Variants in ZNF816 observed in about 807,000 individuals in gnomAD.
The protein encoded by ZNF816 is zinc finger protein 816.
ZNF816 carries 11 observed loss-of-function variants against 8.3 expected under a neutral mutation model. The ratio of observed to expected loss-of-function variants is 1.32; its 90% CI spans 0.83 to 2.19. The LOEUF (loss-of-function observed/expected upper bound fraction) is 2.19, where lower values mean the gene tolerates loss of function less well. ZNF816 is among the 30% of genes most tolerant of loss of function. The pLI is 0.00. For synonymous variants in ZNF816, 255 were observed against 254.5 expected, an observed-to-expected ratio of 1.00 and a Z score of -0.02; for missense variants, 710 against 779.3, an observed-to-expected ratio of 0.91 and a Z score of 1.06.
rs762422662 is a variant in ZNF816 at position 52,960,722 on chromosome 19, C to G, written c.-16+2005G>C. Among the ~76,000 whole-genome samples the G allele has an allele frequency of 2.6e-5, 4 of 152,248 alleles. No homozygotes were observed. The South Asian group carries it at 8.3e-4, about 32-fold the overall frequency. ...CCTGTGTGCCCCCACTGGAAAGTAC[C>G]CCAGACCGTCATCCTGACCACTCCC... On this transcript the variant is annotated intron_variant, in intron 1 of 3. Coordinates refer to ENST00000444460, the MANE Select transcript of ZNF816 (RefSeq NM_001202457.3).
In ZNF816 at chr19:52,950,933, C is replaced by A. The variant is rs1191311884; in HGVS notation, c.842G>T (p.Gly281Val). ...YIVYHHRCHT[G>V]EKTYKCNECG... is the part of the protein sequence containing the mutation. ...CTCATTACACTTGTAAGTTTTCTCA[C>A]CAGTGTGACATCTATGATGATATAC... Residue 281 changes from glycine (G) to valine (V), a missense_variant, in exon 4 of 4, where the codon GGT becomes GTT. Transcript: ENST00000444460. The A allele has an allele frequency of 1.2e-6, 2 of 1,614,164 alleles. No homozygotes were observed. Among genetic ancestry groups the A allele is most frequent in the South Asian group, 2.2e-5 (2 of 91,088 alleles).
rs1022298362 is a variant in ZNF816 at position 52,957,685 on chromosome 19, G to A, written c.-15-1581C>T. ...TTCCAAAAAGACTATTGTTATAATC[G>A]GAGCCATGGGAGTTTTATCAAAGCA... On this transcript the variant is annotated intron_variant, in intron 1 of 3. Transcript: ENST00000444460. The surrounding 1 kb of genome is among the most constrained non-coding windows in gnomAD (Gnocchi z 4.6). Among the ~76,000 whole-genome samples, 8 of 152,150 alleles carry A rather than the reference G, an allele frequency of 5.3e-5. No homozygotes were observed. The highest frequency in any genetic ancestry group is 2.1e-4 in the South Asian group (1 of 4,826).
chr19:52,952,012 A>G lies in ZNF816; in HGVS notation c.191-428T>C, dbSNP rs140914724. On this transcript the variant is annotated intron_variant, in intron 3 of 3. Coordinates refer to ENST00000444460, the MANE Select transcript of ZNF816 (RefSeq NM_001202457.3). Reference sequence around the variant, plus strand: ...TGACTACTGCTTAGAGAAGATGACCATTCGTTTATGTGATGAACACTGTCA... The same window carrying G: ...TGACTACTGCTTAGAGAAGATGACCGTTCGTTTATGTGATGAACACTGTCA... The G allele has an allele frequency of 5.3e-4, 213 of 398,286 alleles. No homozygotes were observed. In the East Asian group the frequency reaches 7.3e-3, roughly 14 times the overall value. The allele number at this position is 398,286 out of a possible 1,614,324, so 24.7% of individuals were successfully genotyped here. A position where few individuals can be genotyped will look rare whatever the true frequency, so the allele number is the denominator to read the frequency against.
At chr19:52,955,351 A>G (rs1241981984) in intron 2 of ZNF816, among the ~76,000 whole-genome samples, 2 of 152,204 alleles carry the variant, frequency 1.3e-5, no homozygotes, top group African/African-American at 2.4e-5. Context: ...TTTCCATTCT[A>G]TTCTAAGACA....
Position 52,952,836 on chromosome 19 carries a change from C to G in ZNF816, c.105G>C (p.Leu35Phe). 6.2e-7 allele frequency: 1 copy of G among 1,613,110 alleles called. No homozygotes were observed. The highest frequency in any genetic ancestry group is 8.5e-7 in the Non-Finnish European group (1 of 1,179,754). Residue 35 changes from leucine (L) to phenylalanine (F), a missense_variant, in exon 3 of 4, where the codon TTG becomes TTC. Physicochemically the swap from Leu to Phe is conservative, Grantham distance 22. Coordinates refer to ENST00000444460, the MANE Select transcript of ZNF816 (RefSeq NM_001202457.3). ...TFRDVAIEFS[L>F]EEWKCLNPAQ... Reference sequence around the variant, plus strand: ...CAGGGTTCAGGCATTTCCACTCCTCCAAAGAGAACTCTATAGCCACATCCC... The same window carrying G: ...CAGGGTTCAGGCATTTCCACTCCTCGAAAGAGAACTCTATAGCCACATCCC...
intron 1 of ZNF816, 125 bp from the exon 2 acceptor site, chr19:52,956,229 G>T: frequency 9.3e-7 from 1 of 1,080,808 alleles, no homozygotes. Flanking sequence ...CACTGCACCA[G>T]AGACCATGCA....
chr19:52,951,365 C>T lies in ZNF816; in HGVS notation c.410G>A (p.Gly137Asp), dbSNP rs561934343. 28 of 1,614,150 alleles carry T rather than the reference C, an allele frequency of 1.7e-5. No individual in the cohort carries two copies. The highest frequency in any genetic ancestry group is 2.1e-5 in the Non-Finnish European group (25 of 1,179,992). The change falls in exon 4 of 4, where the codon GGT becomes GAT. Residue 137 changes from glycine to aspartate, a missense_variant. By Grantham distance (94) the Gly-to-Asp change is moderately conservative. Coordinates refer to ENST00000444460, the MANE Select transcript of ZNF816 (RefSeq NM_001202457.3). The stretch of plus-strand genomic sequence containing the variant: ...CCTGTGATCACTTCGGTCTGTACTA[C>T]CAGTCAACTTTTTGATTTTTGTCAT... The part of the protein sequence containing the change: ...APMTKIKKLT[G>D]STDRSDHRHA...
Position 52,951,337 on chromosome 19 carries a change from A to C in ZNF816, c.438T>G (p.His146Gln), listed in dbSNP as rs2083457950. ...TGSTDRSDHR[H>Q]AGNKPIKDQL... Reference sequence around the variant, plus strand: ...GATCTTTAATAGGCTTGTTTCCAGCATGCCTGTGATCACTTCGGTCTGTAC... The same window carrying C: ...GATCTTTAATAGGCTTGTTTCCAGCCTGCCTGTGATCACTTCGGTCTGTAC... The change falls in exon 4 of 4, where the codon CAT (histidine) becomes CAG (glutamine). Residue 146 changes from histidine (H) to glutamine (Q), a missense_variant. Physicochemically the swap from His to Gln is conservative, Grantham distance 24. Coordinates refer to ENST00000444460, the MANE Select transcript of ZNF816 (RefSeq NM_001202457.3). 3 of 1,614,102 alleles carry C rather than the reference A, an allele frequency of 1.9e-6. No homozygotes were observed. Among genetic ancestry groups the C allele is most frequent in the African/African-American group, 1.3e-5 (1 of 74,946 alleles).
At chr19:52,952,695 A>G in intron 3 of ZNF816, 56 bp downstream of exon 3, 1 of 1,603,256 alleles carries the variant, frequency 6.2e-7, no homozygotes, top group Non-Finnish European at 8.5e-7. Flanking sequence ...TAAAACCAGA[A>G]AGAGCCAAGA....
Position 52,950,785 on chromosome 19 carries a change from G to A in ZNF816, c.990C>T (p.Cys330=). 6.2e-7 allele frequency: 1 copy of A among 1,612,112 alleles called. No individual in the cohort carries two copies. Reference sequence around the variant, plus strand: ...TCTCTCCAGTATGAAGTCTACGATGGCATCTAAGGGATGACTTCTCACTGA... The same window carrying A: ...TCTCTCCAGTATGAAGTCTACGATGACATCTAAGGGATGACTTCTCACTGA... The part of the protein sequence containing the change: ...KTFSEKSSLR[C]HRRLHTGEKP... Residue 330 remains cysteine, a synonymous_variant, in exon 4 of 4, where the codon TGC becomes TGT. Transcript: ENST00000444460.
rs1175498675 is a variant in ZNF816 at position 52,951,181 on chromosome 19, C to G, written c.594G>C (p.Arg198Ser). The G allele has an allele frequency of 1.9e-6, 3 of 1,612,186 alleles. No homozygotes were observed. Among genetic ancestry groups the G allele is most frequent in the Non-Finnish European group, 2.5e-6 (3 of 1,179,894 alleles). Residue 198 changes from arginine (R) to serine (S), a missense_variant, in exon 4 of 4, where the codon AGG becomes AGC. Arg to Ser is a moderately radical substitution (Grantham distance 110, BLOSUM62 -1). Coordinates refer to ENST00000444460, the MANE Select transcript of ZNF816 (RefSeq NM_001202457.3). ...SASESQRISC[R>S]LKTHISNKYG... Reference sequence around the variant, plus strand: ...ACTTATTAGAAATATGAGTTTTGAGCCTACAAGAAATTCTTTGGGATTCTG... The same window carrying G: ...ACTTATTAGAAATATGAGTTTTGAGGCTACAAGAAATTCTTTGGGATTCTG...
At chr19:52,958,671 G>A (rs532229495) in intron 1 of ZNF816, among the ~76,000 whole-genome samples, 1 of 152,318 alleles carries the variant, frequency 6.6e-6, no homozygotes, top group African/African-American at 2.4e-5. Context: ...CAGATCTGCT[G>A]ACAGCAGGTA....
Position 52,952,807 on chromosome 19 carries a change from T to C in ZNF816, c.134A>G (p.Gln45Arg). Residue 45 changes from glutamine to arginine, a missense_variant, in exon 3 of 4, where the codon CAG becomes CGG. Gln to Arg is a conservative substitution (Grantham distance 43). Coordinates refer to ENST00000444460, the MANE Select transcript of ZNF816 (RefSeq NM_001202457.3). ...CATCACAGCCCTGTATAAAGCCCTC[T>C]GTGCAGGGTTCAGGCATTTCCACTC... ...LEEWKCLNPA[Q>R]RALYRAVMLE... 6.2e-7 allele frequency: 1 copy of C among 1,613,934 alleles called. No homozygotes were observed. The highest frequency in any genetic ancestry group is 8.5e-7 in the Non-Finnish European group (1 of 1,179,980).
In ZNF816 at chr19:52,950,304, T is replaced by C. The variant is rs2083444131; in HGVS notation, c.1471A>G (p.Ser491Gly). The C allele has an allele frequency of 6.2e-7, 1 of 1,613,780 alleles. No individual in the cohort carries two copies. The highest frequency in any genetic ancestry group is 8.5e-7 in the Non-Finnish European group (1 of 1,179,916). ...TGACGTGCAAGGTTTTCTCTTCGAC[T>C]AAAAACCTTGCCACATTCATTACAT... ...YTCNECGKVF[S>G]RRENLARHHR... The change falls in exon 4 of 4, where the codon AGT becomes GGT. Residue 491 changes from serine (S) to glycine (G), a missense_variant. Coordinates refer to ENST00000444460, the MANE Select transcript of ZNF816 (RefSeq NM_001202457.3).
chr19:52,956,287 G>C (rs193096949), intron 1 of ZNF816, 183 bp from the exon 2 acceptor site: 2 of 611,696 alleles, frequency 3.3e-6, no homozygotes, highest in African/African-American at 3.8e-5. Context: ...ATTTTGACCC[G>C]TTTTCAGATC....
chr19:52,958,450 G>C (rs1273885466), intron 1 of ZNF816, among the ~76,000 whole-genome samples: 1 of 152,126 alleles, frequency 6.6e-6, no homozygotes, highest in Non-Finnish European at 1.5e-5. Context: ...CCCGGCTTCT[G>C]CAAGGGTTCA....
rs1174548134 is a variant in ZNF816, at chr19:52,951,638, A to C, written c.191-54T>G. On this transcript the variant is annotated intron_variant, in intron 3 of 3. Transcript: ENST00000444460. Reference sequence around the variant, plus strand: ...CAATTAAGTACAGATGGTAAATAATAGTTGATATTCAGATGTGTAAAAATT... The same window carrying C: ...CAATTAAGTACAGATGGTAAATAATCGTTGATATTCAGATGTGTAAAAATT... 31 of 1,434,220 alleles carry C rather than the reference A, an allele frequency of 2.2e-5. No homozygotes were observed. The East Asian group carries it at 4.6e-4, about 21-fold the overall frequency. 88.8% of individuals were successfully genotyped at this position (1,434,220 alleles called of 1,614,324 possible). A position where few individuals can be genotyped will look rare whatever the true frequency, so the allele number is the denominator to read the frequency against.
rs142384111 is a variant in ZNF816, at chr19:52,956,042, C to A, written c.48G>T (p.Gly16=). The A allele has an allele frequency of 2.5e-6, 4 of 1,611,572 alleles. No homozygotes were observed. Among genetic ancestry groups the A allele is most frequent in the Admixed American group, 1.7e-5 (1 of 59,056 alleles). The part of the protein sequence containing the change: ...ATKKSKEKEP[G]MALPQGRLTF... ...TATCACTTACCTGAGGAAGAGCCATCCCTGGCTCCTTTTCTTTGCTCTTCT... is the reference window on the plus strand; with the variant it reads ...TATCACTTACCTGAGGAAGAGCCATACCTGGCTCCTTTTCTTTGCTCTTCT... Residue 16 remains glycine, a synonymous_variant, in exon 2 of 4, where the codon GGG becomes GGT. Transcript: ENST00000444460.
intron 1 of ZNF816, among the ~76,000 whole-genome samples, chr19:52,962,261 G>A (rs1327309307): frequency 1.3e-5 from 2 of 152,090 alleles, no homozygotes; most frequent in Non-Finnish European, 2.9e-5. Flanking sequence ...CAACAACAAA[G>A]AAGAAAAGTG....
Sources: gnomAD v4.1 joint callset for allele counts (sites outside exome capture counted in the v4.1 genomes callset) on GRCh38, gnomAD v4.1.1 for gene constraint, Gnocchi (gnomAD v3.1) non-coding constraint, MANE v1.5 for transcripts, NCBI Gene and HGNC (gene_info 2026-07-23, HGNC 2026-07-21) for gene names.